Variants in SRRM3 observed in about 807,000 individuals in gnomAD.
SRRM3 encodes serine/arginine repetitive matrix protein 3.
SRRM3 carries 27 observed loss-of-function variants against 66.2 expected under a neutral mutation model. That is an observed-to-expected ratio of 0.41 (90% CI 0.30 to 0.56). The LOEUF (loss-of-function observed/expected upper bound fraction) is 0.56. Ranked by LOEUF, SRRM3 falls within the 20% of genes least tolerant of loss-of-function variation. The pLI, the probability that SRRM3 is intolerant of heterozygous loss-of-function variation, is 0.32. For synonymous variants in SRRM3, 391 were observed against 414.9 expected, an observed-to-expected ratio of 0.94 and a Z score of 0.70; for missense variants, 918 against 991.9, an observed-to-expected ratio of 0.93 and a Z score of 1.00.
rs1404964320 is a variant in SRRM3 at position 76,286,928 on chromosome 7, G to A, written c.*1085G>A. On this transcript the variant is annotated 3_prime_UTR_variant, in exon 15 of 15. Transcript: ENST00000611745. ...ACAGGCATAGGATAACATGTGCTTT[G>A]GACCTGACAAGGGAGTACCTTGGGG... The A allele has an allele frequency of 1.3e-5, 2 of 152,740 alleles. No individual in the cohort carries two copies. The highest frequency in any genetic ancestry group is 1.9e-4 in the East Asian group (1 of 5,188). 9.5% of individuals were successfully genotyped at this position (152,740 alleles called of 1,614,324 possible).
At position 76,285,120 on chromosome 7, in the gene SRRM3, G is replaced by C. The variant is rs1166974169; in HGVS notation, c.1734-495G>C. 6.5e-6 allele frequency: 1 copy of C among 154,832 alleles called. No individual in the cohort carries two copies. Among genetic ancestry groups the C allele is most frequent in the Non-Finnish European group, 1.4e-5 (1 of 69,928 alleles). 9.6% of individuals were successfully genotyped at this position (154,832 alleles called of 1,614,324 possible). On this transcript the variant is annotated intron_variant, in intron 14 of 14. Transcript: ENST00000611745. The surrounding 1 kb of genome is among the most constrained non-coding windows in gnomAD (Gnocchi z 4.1). ...ACTCTGTCACCCAGGCTGGAGTGCAGTGGCGCAATCTCCACTCACTGCAGC... is the reference window on the plus strand; with the variant it reads ...ACTCTGTCACCCAGGCTGGAGTGCACTGGCGCAATCTCCACTCACTGCAGC...
chr7:76,277,231 T>G (rs1391799191), intron 11 of SRRM3, among the ~76,000 whole-genome samples: 4 of 152,110 alleles, frequency 2.6e-5, no homozygotes, highest in African/African-American at 9.7e-5. Context: ...AGGACCATGA[T>G]GGGGGTGAAC....
chr7:76,282,560 CCCTAAGCCCCG>C, intron 12 of SRRM3, 77 bp from the exon 13 acceptor site: 1 of 592,466 alleles, frequency 1.7e-6, no homozygotes. Context: ...CGCCCCTCCG[CCCTAAGCCCCG>C]CCCCAGGGAA....
At chr7:76,203,485 A>G (rs1554600821) in intron 1 of SRRM3, among the ~76,000 whole-genome samples, 1 of 152,238 alleles carries the variant, frequency 6.6e-6, no homozygotes, top group African/African-American at 2.4e-5. Context: ...TTTACGGTAT[A>G]AAATGCTGGG....
chr7:76,256,532 A>G (rs1283047899), intron 3 of SRRM3, among the ~76,000 whole-genome samples: 2 of 151,860 alleles, frequency 1.3e-5, no homozygotes, highest in Admixed American at 1.3e-4. Flanking sequence ...TGGCTACTTC[A>G]TAGACAGAGC....
At chr7:76,205,172 G>A (rs781797189) in intron 1 of SRRM3, among the ~76,000 whole-genome samples, 21 of 152,024 alleles carry the variant, frequency 1.4e-4, no homozygotes, top group Non-Finnish European at 2.1e-4. Context: ...CAGCGCCTCT[G>A]CAGGGCTTGC....
intron 1 of SRRM3, among the ~76,000 whole-genome samples, chr7:76,224,063 C>A (rs1800794647): frequency 1.2e-5 from 1 of 86,324 alleles, no homozygotes; most frequent in Non-Finnish European, 2.2e-5. Flanking sequence ...CCTCTCCCTT[C>A]TCTTCCCTTC....
chr7:76,208,017 G>A (rs1314862841), intron 1 of SRRM3, among the ~76,000 whole-genome samples: 3 of 152,186 alleles, frequency 2.0e-5, no homozygotes, highest in Non-Finnish European at 4.4e-5. Context: ...CACAGCTTTG[G>A]GGTCTGCGTG....
chr7:76,261,137 CA>C (rs1437908678), intron 6 of SRRM3, among the ~76,000 whole-genome samples: 1 of 151,338 alleles, frequency 6.6e-6, no homozygotes, highest in Non-Finnish European at 1.5e-5. Flanking sequence ...GTTGTCCCCA[CA>C]ATTGTGGGGA....
chr7:76,202,535 A>G (rs114095545), intron 1 of SRRM3, among the ~76,000 whole-genome samples: 3,397 of 152,224 alleles, frequency 0.022, 109 homozygotes, highest in African/African-American at 0.073. Context: ...TTTCCCGGCT[A>G]CCCAAATGCC....
intron 1 of SRRM3, among the ~76,000 whole-genome samples, chr7:76,220,441 C>T (rs995586174): frequency 6.6e-6 from 1 of 152,206 alleles, no homozygotes; most frequent in Admixed American, 6.5e-5. Flanking sequence ...TGGTGTGGAG[C>T]TGGACAGGGA....
At chr7:76,267,851 C>G (rs10239198) in intron 11 of SRRM3, 12,782 of 163,000 alleles carry the variant, frequency 0.078, 1,327 homozygotes, top group African/African-American at 0.24. Context: ...CAGGACCCCC[C>G]ACTGGGCACC....
chr7:76,203,471 T>C (rs929559515), intron 1 of SRRM3, among the ~76,000 whole-genome samples: 2 of 152,232 alleles, frequency 1.3e-5, no homozygotes, highest in Non-Finnish European at 2.9e-5. Flanking sequence ...GATGGGAGAC[T>C]ACTTTTACGG....
rs782765407 is a variant in SRRM3, at chr7:76,259,859, A to G, written c.336-47A>G. On this transcript the variant is annotated intron_variant, in intron 3 of 14. Transcript: ENST00000611745. ...CCCCCTGCGCCGAGAAAAGGGGTGA[A>G]GAAAAGTCGTCCCGAGACTGGTGGT... 1.9e-6 allele frequency: 3 copies of G among 1,598,062 alleles called. No homozygotes were observed. In the South Asian group the frequency reaches 3.3e-5, roughly 18 times the overall value.
chr7:76,225,088 C>T (rs1800824254), intron 1 of SRRM3, among the ~76,000 whole-genome samples: 1 of 152,156 alleles, frequency 6.6e-6, no homozygotes, highest in Admixed American at 6.6e-5. Context: ...ATTTTTTCCA[C>T]CAGCCTGACC....
At chr7:76,265,034 G>A (rs752164582) in intron 9 of SRRM3, among the ~76,000 whole-genome samples, 74 of 152,192 alleles carry the variant, frequency 4.9e-4, no homozygotes, top group Admixed American at 2.0e-3. Flanking sequence ...CCCAAGCCCA[G>A]TCCTCGTGAC....
intron 11 of SRRM3, among the ~76,000 whole-genome samples, chr7:76,280,125 AAAAAAG>A (rs1189113294): frequency 1.7e-4 from 26 of 151,588 alleles, no homozygotes; most frequent in South Asian, 8.3e-4. Flanking sequence ...TTAAAAAAAA[AAAAAAG>A]AAAAAGAAAA....
At chr7:76,257,111 C>A (rs1182532213) in intron 3 of SRRM3, among the ~76,000 whole-genome samples, 2 of 152,144 alleles carry the variant, frequency 1.3e-5, no homozygotes, top group Non-Finnish European at 2.9e-5. Context: ...AATGCCTAAC[C>A]TCCTGGGAAT....
chr7:76,243,271 C>A (rs1229631116), intron 2 of SRRM3, among the ~76,000 whole-genome samples: 1 of 152,122 alleles, frequency 6.6e-6, no homozygotes, highest in Non-Finnish European at 1.5e-5. Context: ...CTGTTGGGCT[C>A]CTCTGTCTCT....
Sources: allele counts gnomAD v4.1 joint callset (sites outside exome capture counted in the v4.1 genomes callset), GRCh38; gene constraint gnomAD v4.1.1; non-coding constraint Gnocchi (gnomAD v3.1); transcripts MANE v1.5; gene names NCBI Gene and HGNC (gene_info 2026-07-23, HGNC 2026-07-21).